The following NFASC variants were observed in gnomAD, a reference collection of about 807,000 sequenced individuals.
NFASC encodes the protein neurofascin.
A neutral mutation model predicts 147.5 loss-of-function variants in NFASC; 43 were observed. The ratio of observed to expected loss-of-function variants is 0.29; its 90% confidence interval spans 0.23 to 0.38. The LOEUF (loss-of-function observed/expected upper bound fraction) is 0.38, where lower values mean the gene tolerates loss of function less well. Among genes scored for constraint, NFASC ranks in the 10% least tolerant of loss-of-function variants. NFASC has a pLI of 1.00. For missense variants in NFASC, 1,320 were observed against 1,689.0 expected (o/e 0.78, Z 3.83); for synonymous variants, 622 against 665.5 (o/e 0.93, Z 1.01).
At chr1:204,861,790 CT>C (rs796886493) in intron 1 of NFASC, among the ~76,000 whole-genome samples, 11 of 152,264 alleles carry the variant, frequency 7.2e-5, no homozygotes, top group African/African-American at 2.6e-4. Flanking sequence ...CACCCGGCCT[CT>C]TCTCACTTCT....
intron 1 of NFASC, among the ~76,000 whole-genome samples, chr1:204,858,409 C>A (rs12239961): frequency 0.1 from 15,849 of 152,124 alleles, 1,391 homozygotes; most frequent in East Asian, 0.45. Context: ...CTGGGAGAGG[C>A]CTTGTGGTTC....
chr1:204,968,727 C>A lies in NFASC; in HGVS notation c.819-71C>A. 3 of 1,423,854 alleles carry A rather than the reference C, an allele frequency of 2.1e-6. No individual in the cohort carries two copies. The highest frequency in any genetic ancestry group is 2.7e-5 in the South Asian group (2 of 74,486). The allele number at this position is 1,423,854 out of a possible 1,614,324, so 88.2% of individuals were successfully genotyped here. ...GTATACTTTTAGGCCACCTGGGTGT[C>A]CCCAGCTGTATAGAAGAGGAGAAAG... On this transcript the variant is annotated intron_variant, in intron 9 of 29. Transcript: ENST00000339876. This position sits in a 1 kb window ranked among gnomAD's most constrained non-coding sequence, Gnocchi z 5.4.
intron 1 of NFASC, 125 bp from the exon 2 acceptor site, chr1:204,920,507 C>A: frequency 2.8e-6 from 1 of 361,952 alleles, no homozygotes; most frequent in Non-Finnish European, 5.3e-6. Flanking sequence ...CAAAACTTTA[C>A]CAATGGATGT....
chr1:204,949,553 C>T (rs1351306013), intron 3 of NFASC, among the ~76,000 whole-genome samples: 3 of 152,236 alleles, frequency 2.0e-5, no homozygotes, highest in Non-Finnish European at 4.4e-5. Context: ...AAAGTCACAG[C>T]AACACATGTT....
intron 29 of NFASC, among the ~76,000 whole-genome samples, chr1:205,014,369 C>T (rs1415287619): frequency 6.6e-6 from 1 of 152,206 alleles, no homozygotes; most frequent in Admixed American, 6.5e-5. Flanking sequence ...AGTCTAAGAG[C>T]CCTAACCTGG....
chr1:204,985,602 A>T (rs2095600766), intron 21 of NFASC, among the ~76,000 whole-genome samples: 1 of 152,214 alleles, frequency 6.6e-6, no homozygotes, highest in Non-Finnish European at 1.5e-5. Flanking sequence ...CCACCTTGGA[A>T]ATCAGTCTCA....
chr1:204,939,038 A>ATGTG (rs60166382), intron 2 of NFASC, among the ~76,000 whole-genome samples: 9,111 of 123,408 alleles, frequency 0.074, 509 homozygotes, highest in Admixed American at 0.15. Flanking sequence ...GTATGGATGG[A>ATGTG]TGTGTGTGTG....
At chr1:204,883,761 CA>C (rs2080771877) in intron 1 of NFASC, among the ~76,000 whole-genome samples, 2 of 152,206 alleles carry the variant, frequency 1.3e-5, no homozygotes, top group African/African-American at 4.8e-5. Context: ...ATGGGATTGG[CA>C]GGGCAGCTTC....
chr1:204,910,558 C>T (rs1235962073), intron 1 of NFASC, among the ~76,000 whole-genome samples: 1 of 152,018 alleles, frequency 6.6e-6, no homozygotes, highest in Non-Finnish European at 1.5e-5. Flanking sequence ...CTCAAGGGAT[C>T]CTTCCACCCC....
At chr1:204,846,874 A>C (rs1433575323) in intron 1 of NFASC, among the ~76,000 whole-genome samples, 1 of 151,638 alleles carries the variant, frequency 6.6e-6, no homozygotes, top group Non-Finnish European at 1.5e-5. Context: ...GGCAGCTGGC[A>C]CTTGCTCAAC....
At chr1:204,941,110 C>A (rs1558178480) in intron 2 of NFASC, among the ~76,000 whole-genome samples, 1 of 152,170 alleles carries the variant, frequency 6.6e-6, no homozygotes. Context: ...GACTAGGAGT[C>A]AAGAAACCTG....
chr1:204,874,951 CA>C (rs2078458494), intron 1 of NFASC, among the ~76,000 whole-genome samples: 1 of 152,154 alleles, frequency 6.6e-6, no homozygotes, highest in Admixed American at 6.5e-5. Context: ...TTTAGTCCCT[CA>C]GTAACCTAAT....
chr1:204,974,154 G>C (rs371148844), intron 12 of NFASC, 25 bp from the exon 13 acceptor site: 5 of 1,590,582 alleles, frequency 3.1e-6, no homozygotes, highest in Non-Finnish European at 4.3e-6. Flanking sequence ...CTTGGCACTC[G>C]AGATTGCTTC....
At chr1:204,922,482 T>G (rs1176001835) in intron 2 of NFASC, among the ~76,000 whole-genome samples, 2 of 152,190 alleles carry the variant, frequency 1.3e-5, no homozygotes, top group Non-Finnish European at 2.9e-5. Context: ...GTGTTTCCAT[T>G]TACATTAATT....
At chr1:204,959,427 T>C (rs947604455) in intron 8 of NFASC, among the ~76,000 whole-genome samples, 2 of 152,212 alleles carry the variant, frequency 1.3e-5, no homozygotes, top group African/African-American at 4.8e-5. Context: ...CAGTGTCTCC[T>C]CAGTCCACAT....
intron 25 of NFASC, chr1:204,999,603 A>G (rs1407787612): frequency 6.6e-6 from 1 of 152,174 alleles, no homozygotes; most frequent in African/African-American, 2.4e-5. Flanking sequence ...GCAGACAGGC[A>G]AAGAAGCCTA....
Position 204,946,342 on chromosome 1 carries a change from C to T in NFASC, c.91+1936C>T, listed in dbSNP as rs762247125. 30 of 512,774 alleles carry T rather than the reference C, an allele frequency of 5.9e-5. 2 individuals carry two copies. Among genetic ancestry groups the T allele is most frequent in the South Asian group, 4.3e-4 (30 of 70,292 alleles). 31.8% of individuals were successfully genotyped at this position (512,774 alleles called of 1,614,324 possible). On this transcript the variant is annotated intron_variant, in intron 3 of 29. Transcript: ENST00000339876. ...CCTCAACATAGGTGTTATCCTTAGCCTGCGGGTTAGAGACAAGGAAGCGAC... is the reference window on the plus strand; with the variant it reads ...CCTCAACATAGGTGTTATCCTTAGCTTGCGGGTTAGAGACAAGGAAGCGAC...
chr1:204,996,492 C>A (rs1017150131), intron 24 of NFASC, among the ~76,000 whole-genome samples: 2 of 152,096 alleles, frequency 1.3e-5, no homozygotes, highest in Admixed American at 1.3e-4. Flanking sequence ...GGAAGGGCTA[C>A]CACTGAGCAG....
intron 2 of NFASC, among the ~76,000 whole-genome samples, chr1:204,937,630 C>T (rs942904331): frequency 6.6e-6 from 1 of 152,160 alleles, no homozygotes; most frequent in Non-Finnish European, 1.5e-5. Flanking sequence ...CTTGGTAGCT[C>T]ACTTCTTTTG....
Sources: gnomAD v4.1 joint callset for allele counts (sites outside exome capture counted in the v4.1 genomes callset) on GRCh38, gnomAD v4.1.1 for gene constraint, Gnocchi (gnomAD v3.1) non-coding constraint, MANE v1.5 for transcripts, NCBI Gene and HGNC (gene_info 2026-07-23, HGNC 2026-07-21) for gene names.